ODF1: variants seen among roughly 807,000 people sequenced by gnomAD.
The protein encoded by ODF1 is outer dense fiber of sperm tails 1, also known as outer dense fiber protein 1.
ODF1 carries 10 observed loss-of-function variants against 24.0 expected under a neutral mutation model. The ratio of observed to expected loss-of-function variants is 0.42; its 90% CI spans 0.26 to 0.71. The LOEUF (loss-of-function observed/expected upper bound fraction) is 0.71. ODF1 is among the 30% of genes least tolerant of loss of function. The pLI is 0.28. For synonymous variants in ODF1, 118 were observed against 121.3 expected (o/e 0.97, Z 0.18); for missense variants, 282 against 307.9 (o/e 0.92, Z 0.63).
In ODF1 at chr8:102,560,557, A is replaced by G; in HGVS notation, c.426A>G (p.Arg142=). The change falls in exon 2 of 2, where the codon CGA becomes CGG. Residue 142 remains arginine (R), a synonymous_variant. Transcript: ENST00000285402. ...TTGAACCCGATCAAGTCAAAGTTCG[A>G]GTGAAGGATGGAAAGGTATGTGTGT... ...CGFEPDQVKV[R]VKDGKVCVSA... The G allele has an allele frequency of 6.2e-7, 1 of 1,614,224 alleles. No individual in the cohort carries two copies.
intron 1 of ODF1, among the ~76,000 whole-genome samples, chr8:102,554,160 C>A (rs1322065047): frequency 1.3e-5 from 2 of 152,202 alleles, no homozygotes; most frequent in Non-Finnish European, 2.9e-5. Context: ...TAGCCTCAGT[C>A]CCAGAAGGCC....
At position 102,560,174 on chromosome 8, in the gene ODF1, A is replaced by G. The variant is rs191064811; in HGVS notation, c.321-278A>G. Among the ~76,000 whole-genome samples, 84 of 151,674 alleles carry G rather than the reference A, an allele frequency of 5.5e-4. 3 individuals carry two copies. Among genetic ancestry groups the G allele is most frequent in the Admixed American group, 8.5e-4 (13 of 15,270 alleles). ...GGTTAAGGAACCTACACAAGGATCA[A>G]TAATAAGAGGAGGAGCTGGTATTTC... On this transcript the variant is annotated intron_variant, in intron 1 of 1. Coordinates refer to ENST00000285402, the MANE Select transcript of ODF1 (RefSeq NM_024410.4).
Position 102,556,430 on chromosome 8 carries a change from G to GTTGTT in ODF1, c.321-3991_321-3987dup, listed in dbSNP as rs60629836. 3.0e-4 allele frequency among the ~76,000 whole-genome samples: 38 copies of GTTGTT among 128,418 alleles called. No individual in the cohort carries two copies. The East Asian group carries it at 8.0e-3, about 27-fold the overall frequency. 84.2% of individuals were successfully genotyped at this position (128,418 alleles called of 152,430 possible). A position where few individuals can be genotyped will look rare whatever the true frequency, so the allele number is the denominator to read the frequency against. Reference sequence around the variant, plus strand: ...GCCACCTGTGTTTTTTGTTGTTGTTGTTGTTTTGTTTTGTTTTGTTTTGTT... The same window carrying GTTGTT: ...GCCACCTGTGTTTTTTGTTGTTGTTGTTGTTTTGTTTTGTTTTGTTTTGTTTTGTT... On this transcript the variant is annotated intron_variant, in intron 1 of 1. Coordinates refer to ENST00000285402, the MANE Select transcript of ODF1 (RefSeq NM_024410.4).
chr8:102,560,928 A>C lies in ODF1; in HGVS notation c.*44A>C. 1 of 1,528,158 alleles carries C rather than the reference A, an allele frequency of 6.5e-7. No individual in the cohort carries two copies. The highest frequency in any genetic ancestry group is 8.9e-7 in the Non-Finnish European group (1 of 1,128,314). The allele number at this position is 1,528,158 out of a possible 1,614,324, so 94.7% of individuals were successfully genotyped here. On this transcript the variant is annotated 3_prime_UTR_variant, in exon 2 of 2. Coordinates refer to ENST00000285402, the MANE Select transcript of ODF1 (RefSeq NM_024410.4). ...TTACTTAATAGAAGTCAGTTACTCC[A>C]GCCAGGCAGCTCTCCCAATGTTTCT...
chr8:102,554,066 C>T (rs1175542599), intron 1 of ODF1, among the ~76,000 whole-genome samples: 2 of 152,168 alleles, frequency 1.3e-5, no homozygotes, highest in East Asian at 3.8e-4. Flanking sequence ...CTTGACATTT[C>T]ACTCTCCAGA....
At position 102,555,135 on chromosome 8, in the gene ODF1, G is replaced by A. The variant is rs1010247791; in HGVS notation, c.320+3088G>A. Among the ~76,000 whole-genome samples, 14 of 152,046 alleles carry A rather than the reference G, an allele frequency of 9.2e-5. 1 individual carries two copies. The highest frequency in any genetic ancestry group is 2.6e-4 in the Admixed American group (4 of 15,256). On this transcript the variant is annotated intron_variant, in intron 1 of 1. Coordinates refer to ENST00000285402, the MANE Select transcript of ODF1 (RefSeq NM_024410.4). ...TCCCCAAGAGGCAGGCAGTGTCCCT[G>A]TCTCTTCCTCCCTCTTCTGGATTTA...
At chr8:102,555,344 C>T (rs933149142) in intron 1 of ODF1, among the ~76,000 whole-genome samples, 3 of 152,164 alleles carry the variant, frequency 2.0e-5, no homozygotes, top group Non-Finnish European at 4.4e-5. Context: ...TTCATGGGTG[C>T]CCCATGTGGC....
intron 1 of ODF1, among the ~76,000 whole-genome samples, chr8:102,553,238 G>A (rs573307711): frequency 6.0e-5 from 9 of 150,456 alleles, no homozygotes; most frequent in Non-Finnish European, 8.9e-5. Flanking sequence ...TTAGCCAAGC[G>A]TAGTGGCACG....
At chr8:102,555,080 T>G (rs760264653) in intron 1 of ODF1, among the ~76,000 whole-genome samples, 21 of 152,184 alleles carry the variant, frequency 1.4e-4, no homozygotes, top group Admixed American at 7.2e-4. Context: ...GCACCTTTGT[T>G]TCTGTAGCTT....
In ODF1 at chr8:102,560,935, C is replaced by G. The variant is rs1350773516; in HGVS notation, c.*51C>G. 4.6e-6 allele frequency: 7 copies of G among 1,506,092 alleles called. No individual in the cohort carries two copies. The highest frequency in any genetic ancestry group is 6.3e-6 in the Non-Finnish European group (7 of 1,111,406). The allele number at this position is 1,506,092 out of a possible 1,614,324, so 93.3% of individuals were successfully genotyped here. A position where few individuals can be genotyped will look rare whatever the true frequency, so the allele number is the denominator to read the frequency against. On this transcript the variant is annotated 3_prime_UTR_variant, in exon 2 of 2. Transcript: ENST00000285402. ...ATAGAAGTCAGTTACTCCAGCCAGG[C>G]AGCTCTCCCAATGTTTCTCCTCTCC...
At chr8:102,555,375 G>A (rs568171860) in intron 1 of ODF1, among the ~76,000 whole-genome samples, 9 of 152,218 alleles carry the variant, frequency 5.9e-5, no homozygotes, top group East Asian at 1.9e-4. Context: ...AGCAGTCCTC[G>A]TGAGCAAATG....
At position 102,551,810 on chromosome 8, in the gene ODF1, T is replaced by G. The variant is rs1826043581; in HGVS notation, c.83T>G (p.Ile28Ser). 1.2e-6 allele frequency: 2 copies of G among 1,614,150 alleles called. No homozygotes were observed. Among genetic ancestry groups the G allele is most frequent in the South Asian group, 2.2e-5 (2 of 91,078 alleles). ...VDRELRQLRC[I>S]DEFSTRCLCD... is the part of the protein sequence containing the mutation. The stretch of plus-strand genomic sequence containing the variant: ...AGAGAACTAAGGCAACTGAGATGCA[T>G]CGACGAATTTAGCACACGGTGCCTG... The change falls in exon 1 of 2, where the codon ATC (isoleucine) becomes AGC (serine). Residue 28 changes from isoleucine to serine, a missense_variant. Coordinates refer to ENST00000285402, the MANE Select transcript of ODF1 (RefSeq NM_024410.4).
intron 1 of ODF1, 21 bp downstream of exon 1, chr8:102,552,068 A>T (rs1365785285): frequency 6.5e-7 from 1 of 1,543,340 alleles, no homozygotes. Flanking sequence ...TTATTTTTAA[A>T]TTTTTATAGT....
chr8:102,558,745 TAC>T (rs58708188), intron 1 of ODF1, among the ~76,000 whole-genome samples: 2,062 of 144,266 alleles, frequency 0.014, 110 homozygotes, highest in African/African-American at 0.052. Flanking sequence ...TATATAGAAC[TAC>T]ACACACACAC....
chr8:102,559,956 T>C (rs1169125812), intron 1 of ODF1, among the ~76,000 whole-genome samples: 1 of 151,038 alleles, frequency 6.6e-6, no homozygotes, highest in Non-Finnish European at 1.5e-5. Context: ...TATAGTTATA[T>C]ACACAATTTA....
chr8:102,557,279 G>A (rs964795165), intron 1 of ODF1, among the ~76,000 whole-genome samples: 2 of 152,252 alleles, frequency 1.3e-5, no homozygotes, highest in Admixed American at 1.3e-4. Flanking sequence ...TGGGGTGATG[G>A]GGACATCACC....
Position 102,560,973 on chromosome 8 carries a change from C to T in ODF1, c.*89C>T, listed in dbSNP as rs537101376. Reference sequence around the variant, plus strand: ...GTTTCTCCTCTCCTTCCCATGGCCCCTGTTGTTGAAGTACGTAGGAAACTG... The same window carrying T: ...GTTTCTCCTCTCCTTCCCATGGCCCTTGTTGTTGAAGTACGTAGGAAACTG... On this transcript the variant is annotated 3_prime_UTR_variant, in exon 2 of 2. Coordinates refer to ENST00000285402, the MANE Select transcript of ODF1 (RefSeq NM_024410.4). 4 of 1,246,950 alleles carry T rather than the reference C, an allele frequency of 3.2e-6. No individual in the cohort carries two copies. The South Asian group carries it at 5.7e-5, about 18-fold the overall frequency. The allele number at this position is 1,246,950 out of a possible 1,614,324, so 77.2% of individuals were successfully genotyped here.
intron 1 of ODF1, among the ~76,000 whole-genome samples, chr8:102,557,409 A>G (rs1455919174): frequency 6.6e-6 from 1 of 152,216 alleles, no homozygotes; most frequent in Non-Finnish European, 1.5e-5. Flanking sequence ...AAGAAGAAAA[A>G]GAAGTATGAT....
intron 1 of ODF1, among the ~76,000 whole-genome samples, chr8:102,555,195 C>T (rs1230722974): frequency 6.6e-6 from 1 of 152,124 alleles, no homozygotes; most frequent in Non-Finnish European, 1.5e-5. Flanking sequence ...TTTCCTTTGT[C>T]GGAAGCCATG....
Sources: allele counts gnomAD v4.1 joint callset (sites outside exome capture counted in the v4.1 genomes callset), GRCh38; gene constraint gnomAD v4.1.1; transcripts MANE v1.5; gene names NCBI Gene and HGNC (gene_info 2026-07-23, HGNC 2026-07-21).